Variants in RPTOR observed in about 807,000 individuals in gnomAD.
RPTOR encodes regulatory-associated protein of mTOR.
RPTOR carries 21 observed loss-of-function variants against 169.9 expected under a neutral mutation model. The observed-to-expected ratio is 0.12, with a 90% CI of 0.09 to 0.18. The LOEUF (loss-of-function observed/expected upper bound fraction) is 0.18. Ranked by LOEUF, RPTOR falls within the 10% of genes least tolerant of loss-of-function variation. RPTOR has a pLI of 1.00. For missense variants in RPTOR, 1,133 were observed against 1,855.9 expected, an observed-to-expected ratio of 0.61 and a Z score of 7.16; for synonymous variants, 732 against 753.2, an observed-to-expected ratio of 0.97 and a Z score of 0.46.
intron 24 of RPTOR, among the ~76,000 whole-genome samples, chr17:80,933,816 T>G (rs1598409747): frequency 1.3e-5 from 2 of 152,252 alleles, no homozygotes; most frequent in Admixed American, 6.5e-5. Flanking sequence ...CGTCACTGCT[T>G]TATGCCTATA....
At position 80,923,686 on chromosome 17, in the gene RPTOR, G is replaced by T. The variant is rs773019482; in HGVS notation, c.2808+13G>T. The T allele has an allele frequency of 1.3e-6, 2 of 1,570,156 alleles. No individual in the cohort carries two copies. Among genetic ancestry groups the T allele is most frequent in the African/African-American group, 2.7e-5 (2 of 73,862 alleles). On this transcript the variant is annotated intron_variant, in intron 23 of 33. Coordinates refer to ENST00000306801, the MANE Select transcript of RPTOR (RefSeq NM_020761.3). ...GGGCCCAGAGCAGGTACGGGAGCCC[G>T]GCTGCCTGGTGATCTGGACACTGAG...
chr17:80,751,831 A>G (rs1374933622), intron 5 of RPTOR, among the ~76,000 whole-genome samples: 2 of 152,196 alleles, frequency 1.3e-5, no homozygotes, highest in African/African-American at 4.8e-5. Flanking sequence ...TCCAGCCCTC[A>G]TGCTGACCGC....
chr17:80,767,588 C>T (rs1254027396), intron 6 of RPTOR, among the ~76,000 whole-genome samples: 4 of 152,096 alleles, frequency 2.6e-5, no homozygotes, highest in East Asian at 1.9e-4. Flanking sequence ...AAGACAACCC[C>T]GCACCCAGAT....
chr17:80,920,998 G>T (rs1160689204), intron 21 of RPTOR, among the ~76,000 whole-genome samples: 1 of 152,208 alleles, frequency 6.6e-6, no homozygotes, highest in Admixed American at 6.5e-5. Flanking sequence ...TAAAAAATAG[G>T]AACGTTGCTT....
chr17:80,848,065 G>T (rs1310934409), intron 11 of RPTOR, among the ~76,000 whole-genome samples: 1 of 152,228 alleles, frequency 6.6e-6, no homozygotes, highest in Non-Finnish European at 1.5e-5. Context: ...AGAGAAAGAG[G>T]AGTTGGGAGA....
chr17:80,722,794 CAT>C (rs1370938340), intron 4 of RPTOR, among the ~76,000 whole-genome samples: 1 of 151,280 alleles, frequency 6.6e-6, no homozygotes, highest in Non-Finnish European at 1.5e-5. Context: ...ATCTAGGAAA[CAT>C]ATGTTGTTAC....
intron 7 of RPTOR, among the ~76,000 whole-genome samples, chr17:80,818,859 C>G (rs1266046677): frequency 6.6e-6 from 1 of 152,198 alleles, no homozygotes; most frequent in African/African-American, 2.4e-5. Context: ...TATCTGGCCT[C>G]CGTTTATCTT....
chr17:80,952,041 G>A (rs2069185641), intron 28 of RPTOR, among the ~76,000 whole-genome samples: 1 of 152,236 alleles, frequency 6.6e-6, no homozygotes, highest in Non-Finnish European at 1.5e-5. Context: ...AGGTCACGGT[G>A]TCAAGGGAGG....
intron 3 of RPTOR, among the ~76,000 whole-genome samples, chr17:80,682,114 C>A (rs1214138700): frequency 1.1e-4 from 9 of 84,962 alleles, no homozygotes; most frequent in East Asian, 4.6e-4. Flanking sequence ...AGGTCCCCCC[C>A]CCCACCCCAA....
At chr17:80,744,486 G>A (rs1192650513) in intron 5 of RPTOR, among the ~76,000 whole-genome samples, 1 of 102,056 alleles carries the variant, frequency 9.8e-6, no homozygotes. Context: ...TACTAGCACA[G>A]CCCTGGCTAC....
At chr17:80,602,934 G>A in intron 1 of RPTOR, 1 of 413,058 alleles carries the variant, frequency 2.4e-6, no homozygotes, top group South Asian at 2.4e-5. Context: ...CATTCTGCCG[G>A]GTCCAAGTTG....
intron 20 of RPTOR, among the ~76,000 whole-genome samples, chr17:80,905,429 CA>C (rs535677825): frequency 0.033 from 3,894 of 117,668 alleles, 112 homozygotes; most frequent in African/African-American, 0.09. Context: ...ACTAAAAATA[CA>C]AAAAAAAAAA....
chr17:80,602,523 T>C (rs969844542), intron 1 of RPTOR: 3 of 463,692 alleles, frequency 6.5e-6, no homozygotes, highest in East Asian at 1.1e-4. Flanking sequence ...TTTATAACTT[T>C]ATTTGATGTA....
At chr17:80,687,979 T>G (rs34950888) in intron 3 of RPTOR, among the ~76,000 whole-genome samples, 26,687 of 152,032 alleles carry the variant, frequency 0.18, 3,741 homozygotes, top group African/African-American at 0.39. Flanking sequence ...TGCCTGAAGC[T>G]TCACCTCAGC....
chr17:80,640,235 A>G (rs1203528793), intron 2 of RPTOR, among the ~76,000 whole-genome samples: 1 of 152,212 alleles, frequency 6.6e-6, no homozygotes, highest in African/African-American at 2.4e-5. Flanking sequence ...TCATAAAGGA[A>G]TTAGAAGAGA....
intron 1 of RPTOR, among the ~76,000 whole-genome samples, chr17:80,588,477 G>A (rs1056916940): frequency 2.0e-5 from 3 of 152,090 alleles, no homozygotes; most frequent in African/African-American, 7.2e-5. Context: ...CTCATTTTTT[G>A]TTGGACACCT....
Position 80,754,106 on chromosome 17 carries a change from C to A in RPTOR, c.751C>A (p.Leu251Met). ...IQLAACEATE[L>M]LPMIPDLPAD... is the part of the protein sequence containing the mutation. ...GCTGGCAGCCTGCGAGGCCACCGAG[C>A]TGCTGCCCATGATCCCCGACCTCCC... is the stretch of plus-strand genomic sequence containing the variant. Residue 251 changes from leucine to methionine, a missense_variant, in exon 6 of 34, where the codon CTG becomes ATG. Leu to Met is a conservative substitution (Grantham distance 15). Coordinates refer to ENST00000306801, the MANE Select transcript of RPTOR (RefSeq NM_020761.3). The surrounding 1 kb of genome is among the most constrained non-coding windows in gnomAD (Gnocchi z 4.2). 6.2e-7 allele frequency: 1 copy of A among 1,614,012 alleles called. No individual in the cohort carries two copies.
intron 13 of RPTOR, among the ~76,000 whole-genome samples, chr17:80,864,074 A>C (rs2067952273): frequency 6.6e-6 from 1 of 152,256 alleles, no homozygotes; most frequent in African/African-American, 2.4e-5. Context: ...CTAGCAGAAA[A>C]AGTATTTGAA....
At chr17:80,725,967 C>T (rs2066329320) in intron 4 of RPTOR, among the ~76,000 whole-genome samples, 1 of 152,176 alleles carries the variant, frequency 6.6e-6, no homozygotes, top group Non-Finnish European at 1.5e-5. Flanking sequence ...TGGCAATGTC[C>T]AGCAACCTGG....
Sources: gnomAD v4.1 joint callset for allele counts (sites outside exome capture counted in the v4.1 genomes callset) on GRCh38, gnomAD v4.1.1 for gene constraint, Gnocchi (gnomAD v3.1) non-coding constraint, MANE v1.5 for transcripts, NCBI Gene and HGNC (gene_info 2026-07-23, HGNC 2026-07-21) for gene names.